The following KCNN2 variants were observed in gnomAD, a reference collection of about 807,000 sequenced individuals.
The protein encoded by KCNN2 is small conductance calcium-activated potassium channel protein 2.
A neutral mutation model predicts 55.5 loss-of-function variants in KCNN2; 24 were observed. The ratio of observed to expected loss-of-function variants is 0.43; its 90% CI spans 0.31 to 0.61. The LOEUF is 0.61. KCNN2 is among the 20% of genes least tolerant of loss of function. The pLI is 0.08. For missense variants in KCNN2, 754 were observed against 853.6 expected, an observed-to-expected ratio of 0.88 and a Z score of 1.45; for synonymous variants, 431 against 336.1, an observed-to-expected ratio of 1.28 and a Z score of -3.09.
intron 1 of KCNN2, among the ~76,000 whole-genome samples, chr5:114,075,732 G>GA (rs376401680): frequency 6.6e-6 from 1 of 151,716 alleles, no homozygotes; most frequent in Non-Finnish European, 1.5e-5. Context: ...TAGCTAAGGG[G>GA]GCATTAACAA....
At chr5:114,326,279 G>A (rs1230945970) in intron 2 of KCNN2, among the ~76,000 whole-genome samples, 4 of 152,120 alleles carry the variant, frequency 2.6e-5, no homozygotes, top group Non-Finnish European at 5.9e-5. Context: ...CAGAGGCCAC[G>A]GGGATAGGGA....
At chr5:114,087,291 C>G (rs1345040160) in intron 1 of KCNN2, among the ~76,000 whole-genome samples, 1 of 152,084 alleles carries the variant, frequency 6.6e-6, no homozygotes, top group African/African-American at 2.4e-5. Flanking sequence ...TTAGATCCCA[C>G]TTGTCAATTT....
chr5:114,205,359 C>G (rs1753746823), intron 1 of KCNN2, among the ~76,000 whole-genome samples: 1 of 152,192 alleles, frequency 6.6e-6, no homozygotes, highest in Non-Finnish European at 1.5e-5. Context: ...TATCAGTAAT[C>G]TGATTTTTTA....
At chr5:114,365,736 A>G (rs1409380279) in intron 2 of KCNN2, among the ~76,000 whole-genome samples, 1 of 152,274 alleles carries the variant, frequency 6.6e-6, no homozygotes, top group African/African-American at 2.4e-5. Context: ...GTTAAACTTA[A>G]AAGATCATTC....
At chr5:114,266,465 A>G (rs6594807) in intron 2 of KCNN2, among the ~76,000 whole-genome samples, 129,889 of 152,174 alleles carry the variant, frequency 0.85, 55,541 homozygotes, top group East Asian at 0.94. Flanking sequence ...TGCTTGGGAA[A>G]ATCAGACCTA....
intron 2 of KCNN2, 118 bp downstream of exon 2, chr5:114,364,119 A>C (rs1757533484): frequency 1.4e-6 from 1 of 732,004 alleles, no homozygotes. Flanking sequence ...TACAGAAGAC[A>C]CATGCTGTAT....
At chr5:114,343,312 G>C (rs1364852847) in intron 2 of KCNN2, among the ~76,000 whole-genome samples, 1 of 152,046 alleles carries the variant, frequency 6.6e-6, no homozygotes, top group Non-Finnish European at 1.5e-5. Context: ...TGGTGAGAGA[G>C]TGCTATATAA....
intron 1 of KCNN2, among the ~76,000 whole-genome samples, chr5:114,166,028 A>G (rs1389747577): frequency 6.6e-6 from 1 of 152,024 alleles, no homozygotes; most frequent in African/African-American, 2.4e-5. Flanking sequence ...CATTTTAAAA[A>G]CATTTCTTCT....
intron 2 of KCNN2, among the ~76,000 whole-genome samples, chr5:114,249,282 CT>C (rs1159573084): frequency 5.7e-5 from 3 of 52,222 alleles, no homozygotes; most frequent in Non-Finnish European, 1.4e-4. Flanking sequence ...TTCTTTCTTT[CT>C]TTCTTTCTTT....
chr5:114,066,572 C>CA (rs1348637401), intron 1 of KCNN2, among the ~76,000 whole-genome samples: 1 of 152,086 alleles, frequency 6.6e-6, no homozygotes, highest in Admixed American at 6.6e-5. Flanking sequence ...AAGTGTTTTT[C>CA]TTTTTTTTCT....
At chr5:114,338,666 T>C (rs1446210452) in intron 2 of KCNN2, among the ~76,000 whole-genome samples, 2 of 152,226 alleles carry the variant, frequency 1.3e-5, no homozygotes, top group African/African-American at 4.8e-5. Context: ...ATATAATCCA[T>C]GAGCAGGGTA....
chr5:114,330,721 G>T (rs1031423259), intron 2 of KCNN2, among the ~76,000 whole-genome samples: 19 of 152,084 alleles, frequency 1.2e-4, no homozygotes, highest in Non-Finnish European at 2.5e-4. Context: ...TTTTTGCAAA[G>T]AATTCTTCCA....
intron 1 of KCNN2, among the ~76,000 whole-genome samples, chr5:114,132,857 G>A (rs1000385687): frequency 2.6e-5 from 4 of 152,056 alleles, no homozygotes; most frequent in African/African-American, 7.2e-5. Context: ...ATGATTATAC[G>A]AATCAAACAT....
In KCNN2 at chr5:114,491,446, G is replaced by A. The variant is rs887424373; in HGVS notation, c.2019-1957G>A. On this transcript the variant is annotated intron_variant, in intron 6 of 7. Transcript: ENST00000673685. Reference sequence around the variant, plus strand: ...ATCGTCAATTGATAGTTGAAACACCGATATTGAATTCTAGCCATAGGCTGT... The same window carrying A: ...ATCGTCAATTGATAGTTGAAACACCAATATTGAATTCTAGCCATAGGCTGT... Among the ~76,000 whole-genome samples, 14 of 147,602 alleles carry A rather than the reference G, an allele frequency of 9.5e-5. No homozygotes were observed. The South Asian group carries it at 1.7e-3, about 18-fold the overall frequency.
At chr5:114,485,957 G>T (rs954155902) in intron 5 of KCNN2, among the ~76,000 whole-genome samples, 1 of 152,130 alleles carries the variant, frequency 6.6e-6, no homozygotes, top group African/African-American at 2.4e-5. Flanking sequence ...ATGATTGAGA[G>T]AACTTTAACA....
chr5:114,380,738 T>C (rs1758093050), intron 2 of KCNN2, among the ~76,000 whole-genome samples: 1 of 152,184 alleles, frequency 6.6e-6, no homozygotes, highest in South Asian at 2.1e-4. Context: ...AGGTTTTTGT[T>C]AGGATTGCAT....
At chr5:114,144,312 C>T (rs1050799554) in intron 1 of KCNN2, among the ~76,000 whole-genome samples, 2 of 152,036 alleles carry the variant, frequency 1.3e-5, no homozygotes, top group South Asian at 2.1e-4. Context: ...ATTAATTTGG[C>T]CAATTTTTGA....
In KCNN2 at chr5:114,087,194, G is replaced by A. The variant is rs185673376; in HGVS notation, c.-271+30694G>A. ...ATATTAGACCTTTGTTGGATGCATA[G>A]CTCATGACTATTTTCTCTCCCATTC... On this transcript the variant is annotated intron_variant, in intron 1 of 10. Coordinates refer to the KCNN2 transcript ENST00000512097. 2.5e-3 allele frequency among the ~76,000 whole-genome samples: 379 copies of A among 152,088 alleles called. 3 individuals are homozygous for A. Among genetic ancestry groups the A allele is most frequent in the Non-Finnish European group, 4.4e-3 (300 of 67,980 alleles).
intron 1 of KCNN2, among the ~76,000 whole-genome samples, chr5:114,186,118 G>C (rs1753326740): frequency 6.6e-6 from 1 of 152,130 alleles, no homozygotes; most frequent in African/African-American, 2.4e-5. Context: ...GAGGAATTGT[G>C]AAATGTGTGC....
Sources: allele counts gnomAD v4.1 joint callset (sites outside exome capture counted in the v4.1 genomes callset), GRCh38; gene constraint gnomAD v4.1.1; transcripts MANE v1.5; gene names NCBI Gene and HGNC (gene_info 2026-07-23, HGNC 2026-07-21).